PCDHGB2: variants seen among roughly 807,000 people sequenced by gnomAD.
The protein encoded by PCDHGB2 is protocadherin gamma subfamily B, 2, also known as protocadherin gamma-B2.
In PCDHGB2, 55 loss-of-function variants were observed where a neutral mutation model predicts 59.3. That is an observed-to-expected ratio of 0.93 (90% CI 0.75 to 1.16). PCDHGB2 has a LOEUF of 1.16. PCDHGB2 is among the 50% of genes most tolerant of loss of function. PCDHGB2 has a pLI of 0.00. For missense variants in PCDHGB2, 1,228 were observed against 1,198.5 expected (o/e 1.02, Z -0.36); for synonymous variants, 516 against 512.0 (o/e 1.01, Z -0.11).
rs753724895 is a variant in PCDHGB2, at chr5:141,366,167, G to A, written c.2421+3611G>A. 7 of 1,614,080 alleles carry A rather than the reference G, an allele frequency of 4.3e-6. No homozygotes were observed. In the Admixed American group the frequency reaches 6.7e-5, roughly 15 times the overall value. On this transcript the variant is annotated intron_variant, in intron 1 of 3. Transcript: ENST00000522605. ...GTCCTACCGCCTGCTTAAGGCCAGC[G>A]AGCCAGGACTCTTTGCGGTTGGGCT...
intron 1 of PCDHGB2, among the ~76,000 whole-genome samples, chr5:141,380,518 T>C (rs1166161347): frequency 1.3e-5 from 2 of 152,254 alleles, no homozygotes; most frequent in African/African-American, 2.4e-5. Context: ...CTTTAAACTA[T>C]GAAATGATTT....
In PCDHGB2 at chr5:141,361,325, C is replaced by T. The variant is rs1388509991; in HGVS notation, c.1190C>T (p.Ser397Phe). Reference sequence around the variant, plus strand: ...AATGCCAAGTTTATTTTGAAATCTTCCTCAAAGAACTATTACAAACTAGTG... The same window carrying T: ...AATGCCAAGTTTATTTTGAAATCTTTCTCAAAGAACTATTACAAACTAGTG... ...LGNAKFILKS[S>F]SKNYYKLVTD... The change falls in exon 1 of 4, where the codon TCC becomes TTC. Residue 397 changes from serine to phenylalanine, a missense_variant. Physicochemically the swap from Ser to Phe is radical, Grantham distance 155. Coordinates refer to ENST00000522605, the MANE Select transcript of PCDHGB2 (RefSeq NM_018923.3). 9 of 1,613,940 alleles carry T rather than the reference C, an allele frequency of 5.6e-6. No homozygotes were observed. The highest frequency in any genetic ancestry group is 7.6e-6 in the Non-Finnish European group (9 of 1,179,890).
At chr5:141,365,866 T>C (rs1335120625) in intron 1 of PCDHGB2, 1 of 1,614,068 alleles carries the variant, frequency 6.2e-7, no homozygotes, top group South Asian at 1.1e-5. Flanking sequence ...CTGACACCGG[T>C]GTCCTGTATG....
intron 1 of PCDHGB2, chr5:141,415,739 G>GT (rs1561759437): frequency 3.9e-5 from 17 of 435,138 alleles, no homozygotes; most frequent in African/African-American, 2.3e-4. Flanking sequence ...TGTTTATTAA[G>GT]GTTTTTTTTT....
At chr5:141,392,763 A>G in intron 1 of PCDHGB2, 4 of 1,480,256 alleles carry the variant, frequency 2.7e-6, no homozygotes, top group Non-Finnish European at 3.6e-6. Context: ...ACTAAATAAG[A>G]CCCATTTATG....
Position 141,491,197 on chromosome 5 carries a change from G to A in PCDHGB2, c.2422-3610G>A. Reference sequence around the variant, plus strand: ...GGTGGTCCTGGTGAGGGACAATGGTGACCCTTCACTCTCCTCCACAGCCAC... The same window carrying A: ...GGTGGTCCTGGTGAGGGACAATGGTAACCCTTCACTCTCCTCCACAGCCAC... On this transcript the variant is annotated intron_variant, in intron 1 of 3. Coordinates refer to ENST00000522605, the MANE Select transcript of PCDHGB2 (RefSeq NM_018923.3). The surrounding 1 kb of genome is among the most constrained non-coding windows in gnomAD (Gnocchi z 6.9). 6.2e-7 allele frequency: 1 copy of A among 1,614,190 alleles called. No individual in the cohort carries two copies. The highest frequency in any genetic ancestry group is 8.5e-7 in the Non-Finnish European group (1 of 1,180,024).
chr5:141,487,890 G>C lies in PCDHGB2; in HGVS notation c.2422-6917G>C. 3 of 745,430 alleles carry C rather than the reference G, an allele frequency of 4.0e-6. No homozygotes were observed. Among genetic ancestry groups the C allele is most frequent in the Non-Finnish European group, 6.5e-6 (3 of 462,522 alleles). The allele number at this position is 745,430 out of a possible 1,614,324, so 46.2% of individuals were successfully genotyped here. A position where few individuals can be genotyped will look rare whatever the true frequency, so the allele number is the denominator to read the frequency against. On this transcript the variant is annotated intron_variant, in intron 1 of 3. Coordinates refer to ENST00000522605, the MANE Select transcript of PCDHGB2 (RefSeq NM_018923.3). This position sits in a 1 kb window ranked among gnomAD's most constrained non-coding sequence, Gnocchi z 5.0. ...AAGAGCCAGGCTGTTGTGGAAGCAT[G>C]ATGATGGAATGTGGGAGCACAGGAG...
intron 1 of PCDHGB2, chr5:141,424,706 T>G (rs752721357): frequency 4.6e-5 from 7 of 152,190 alleles, no homozygotes; most frequent in Non-Finnish European, 8.8e-5. Context: ...TTTGTTCATT[T>G]TCAGTGTAGT....
rs377060474 is a variant in PCDHGB2, at chr5:141,487,810, C to A, written c.2422-6997C>A. The A allele has an allele frequency of 7.4e-4, 1,055 of 1,417,844 alleles. 13 individuals carry two copies. In the South Asian group the frequency reaches 0.013, roughly 17 times the overall value. The allele number at this position is 1,417,844 out of a possible 1,614,324, so 87.8% of individuals were successfully genotyped here. A position where few individuals can be genotyped will look rare whatever the true frequency, so the allele number is the denominator to read the frequency against. ...ATTAACCAGAGTTGTCACAGTTTAG[C>A]ATTGGGGGCGGGTCATGCCTATATC... On this transcript the variant is annotated intron_variant, in intron 1 of 3. Transcript: ENST00000522605. The surrounding 1 kb of genome is among the most constrained non-coding windows in gnomAD (Gnocchi z 5.0).
In PCDHGB2 at chr5:141,477,850, G is replaced by C. The variant is rs2099420608; in HGVS notation, c.2422-16957G>C. On this transcript the variant is annotated intron_variant, in intron 1 of 3. Coordinates refer to ENST00000522605, the MANE Select transcript of PCDHGB2 (RefSeq NM_018923.3). The surrounding 1 kb of genome is among the most constrained non-coding windows in gnomAD (Gnocchi z 4.9). Reference sequence around the variant, plus strand: ...CTCGGCCAGGTGGGAGCTCGGTGGAGATGCTGCCTCGAGGTACCTCAGCTG... The same window carrying C: ...CTCGGCCAGGTGGGAGCTCGGTGGACATGCTGCCTCGAGGTACCTCAGCTG... 6.2e-6 allele frequency: 10 copies of C among 1,613,328 alleles called. No individual in the cohort carries two copies. Among genetic ancestry groups the C allele is most frequent in the Non-Finnish European group, 7.6e-6 (9 of 1,179,812 alleles).
At chr5:141,419,946 T>C in intron 1 of PCDHGB2, 1 of 1,614,086 alleles carries the variant, frequency 6.2e-7, no homozygotes, top group Non-Finnish European at 8.5e-7. Context: ...GTGGTGGCCT[T>C]GGCCTTGATT....
intron 1 of PCDHGB2, chr5:141,374,140 C>T: frequency 6.2e-7 from 1 of 1,609,666 alleles, no homozygotes; most frequent in South Asian, 1.1e-5. Flanking sequence ...TCCTCACGCT[C>T]CTGGGGACGC....
chr5:141,361,749 C>A lies in PCDHGB2; in HGVS notation c.1614C>A (p.Gly538=), dbSNP rs1334871182. ...TCACACTGCAGGCCCGCGACCAGGG[C>A]TCGCCCGCGCTCAGCGCCAACGTGA... ...FELTLQARDQ[G]SPALSANVSL... is the part of the protein sequence containing the mutation. The change falls in exon 1 of 4, where the codon GGC becomes GGA. Residue 538 remains glycine (G), a synonymous_variant. Coordinates refer to ENST00000522605, the MANE Select transcript of PCDHGB2 (RefSeq NM_018923.3). The A allele has an allele frequency of 6.2e-7, 1 of 1,612,938 alleles. No homozygotes were observed. Among genetic ancestry groups the A allele is most frequent in the African/African-American group, 1.3e-5 (1 of 74,950 alleles).
chr5:141,393,303 G>A (rs1305361582), intron 1 of PCDHGB2: 5 of 1,613,646 alleles, frequency 3.1e-6, no homozygotes, highest in Non-Finnish European at 3.4e-6. Context: ...GGATGTGGGC[G>A]TGAACTCCCT....
chr5:141,401,623 T>A (rs1418194568), intron 1 of PCDHGB2, among the ~76,000 whole-genome samples: 1 of 152,230 alleles, frequency 6.6e-6, no homozygotes, highest in African/African-American at 2.4e-5. Flanking sequence ...GGATTTGTCT[T>A]ATCGTTTGGA....
At chr5:141,457,864 C>T (rs962336979) in intron 1 of PCDHGB2, among the ~76,000 whole-genome samples, 5 of 152,166 alleles carry the variant, frequency 3.3e-5, no homozygotes, top group African/African-American at 4.8e-5. Flanking sequence ...CTTCACTGAC[C>T]ACAGGTTAGG....
At chr5:141,394,416 A>G (rs1220964310) in intron 1 of PCDHGB2, 1 of 1,614,202 alleles carries the variant, frequency 6.2e-7, no homozygotes. Context: ...GGTAACAGCC[A>G]GCGACAGCGG....
rs1435240793 is a variant in PCDHGB2 at position 141,402,906 on chromosome 5, CA to C, written c.2421+40351del. ...GGGTGGAAGAAAGAACCTGATGAAG[CA>C]GCGCGCACAGAGATCCTTTTGAGAA... On this transcript the variant is annotated intron_variant, in intron 1 of 3. Coordinates refer to ENST00000522605, the MANE Select transcript of PCDHGB2 (RefSeq NM_018923.3). The C allele has an allele frequency of 3.9e-6, 6 of 1,529,062 alleles. No homozygotes were observed. The African/African-American group carries it at 8.3e-5, about 21-fold the overall frequency. 94.7% of individuals were successfully genotyped at this position (1,529,062 alleles called of 1,614,324 possible). A position where few individuals can be genotyped will look rare whatever the true frequency, so the allele number is the denominator to read the frequency against.
intron 1 of PCDHGB2, chr5:141,415,045 G>C: frequency 6.2e-7 from 1 of 1,613,538 alleles, no homozygotes; most frequent in Non-Finnish European, 8.5e-7. Flanking sequence ...CTTCGCGGTG[G>C]GGGAGCACAC....
Sources: allele counts gnomAD v4.1 joint callset (sites outside exome capture counted in the v4.1 genomes callset), GRCh38; gene constraint gnomAD v4.1.1; non-coding constraint Gnocchi (gnomAD v3.1); transcripts MANE v1.5; gene names NCBI Gene and HGNC (gene_info 2026-07-23, HGNC 2026-07-21).